The following SPATA13 variants were observed in gnomAD, a reference collection of about 807,000 sequenced individuals.
SPATA13 encodes the protein spermatogenesis associated 13.
In SPATA13, 50 loss-of-function variants were observed where a neutral mutation model predicts 104.0. The observed-to-expected ratio is 0.48, with a 90% CI of 0.38 to 0.61. SPATA13 has a LOEUF of 0.61. Ranked by LOEUF, SPATA13 falls within the 20% of genes least tolerant of loss-of-function variation. The pLI is 0.00. For synonymous variants in SPATA13, 606 were observed against 667.5 expected (o/e 0.91, Z 1.42); for missense variants, 1,524 against 1,690.6 (o/e 0.90, Z 1.73).
At chr13:24,183,331 C>T (rs922489979) in intron 1 of SPATA13, among the ~76,000 whole-genome samples, 1 of 152,198 alleles carries the variant, frequency 6.6e-6, no homozygotes, top group Non-Finnish European at 1.5e-5. Context: ...TGTAAAACCA[C>T]CATCAAACCC....
chr13:24,112,492 C>T (rs1416506500), intron 3 of SPATA13, among the ~76,000 whole-genome samples: 2 of 152,164 alleles, frequency 1.3e-5, no homozygotes, highest in East Asian at 3.8e-4. Context: ...AATTCTCATG[C>T]TCAGCCACGG....
At chr13:24,302,459 CAAAAAA>C (rs71070678) in intron 12 of SPATA13, 133 bp from the exon 13 acceptor site, 346 of 193,930 alleles carry the variant, frequency 1.8e-3, no homozygotes, top group Admixed American at 3.6e-3. Context: ...GACCCTGTCT[CAAAAAA>C]AAAAAAAAAA....
intron 1 of SPATA13, among the ~76,000 whole-genome samples, chr13:24,162,146 T>G (rs1457754197): frequency 2.0e-5 from 3 of 152,204 alleles, no homozygotes. Flanking sequence ...TTATCCCATA[T>G]CCTAATTCTC....
chr13:24,044,430 A>T (rs1405063221), intron 3 of SPATA13, among the ~76,000 whole-genome samples: 1 of 151,762 alleles, frequency 6.6e-6, no homozygotes, highest in Non-Finnish European at 1.5e-5. Flanking sequence ...ACGGGGTTTC[A>T]CCGTGTTGGC....
chr13:24,259,426 A>G (rs536222855), intron 4 of SPATA13, among the ~76,000 whole-genome samples: 133 of 152,356 alleles, frequency 8.7e-4, no homozygotes, highest in Non-Finnish European at 1.5e-3. Flanking sequence ...TGAATAAAGA[A>G]AAAACAAAAA....
rs906690073 is a variant in SPATA13 at position 24,306,299 on chromosome 13, C to A, written c.*3526C>A. ...TCTGCAAGCCAAATTGCTGATACTC[C>A]TTCATGCAGATCAACTTGGTGTCCC... is the stretch of plus-strand genomic sequence containing the variant. On this transcript the variant is annotated 3_prime_UTR_variant, in exon 13 of 13. Transcript: ENST00000382108. 7.9e-5 allele frequency: 12 copies of A among 152,206 alleles called. No homozygotes were observed. The highest frequency in any genetic ancestry group is 1.0e-4 in the Non-Finnish European group (7 of 68,040). The allele number at this position is 152,206 out of a possible 1,614,324, so 9.4% of individuals were successfully genotyped here. A position where few individuals can be genotyped will look rare whatever the true frequency, so the allele number is the denominator to read the frequency against.
At chr13:24,158,473 C>T (rs565508448), upstream of SPATA13, among the ~76,000 whole-genome samples, 4 of 152,262 alleles carry the variant, frequency 2.6e-5, no homozygotes, top group Non-Finnish European at 2.9e-5. Flanking sequence ...CAAGAATAAG[C>T]GTCGGCTGGT....
intron 1 of SPATA13, among the ~76,000 whole-genome samples, chr13:24,190,490 A>G (rs1199996079): frequency 6.7e-6 from 1 of 150,106 alleles, no homozygotes; most frequent in Non-Finnish European, 1.5e-5. Flanking sequence ...GATGCCATAA[A>G]GAACAGGAGG....
intron 3 of SPATA13, among the ~76,000 whole-genome samples, chr13:24,072,843 T>TTTTTTTA (rs1879214853): frequency 1.5e-5 from 2 of 135,092 alleles, no homozygotes; most frequent in Admixed American, 1.5e-4. Flanking sequence ...TTTTTTTTTT[T>TTTTTTTA]ACATCCCCTT....
chr13:24,242,900 G>A (rs1015543991), intron 2 of SPATA13, among the ~76,000 whole-genome samples: 6 of 152,134 alleles, frequency 3.9e-5, no homozygotes, highest in African/African-American at 1.4e-4. Flanking sequence ...CCTATGCAGG[G>A]TATTTTTGGT....
chr13:24,211,975 GCT>G (rs1325536530), intron 1 of SPATA13, among the ~76,000 whole-genome samples: 1 of 152,174 alleles, frequency 6.6e-6, no homozygotes, highest in Non-Finnish European at 1.5e-5. Flanking sequence ...CGTGGCTGGA[GCT>G]CTCTGATGGC....
At chr13:24,034,736 T>C (rs1365361918) in intron 3 of SPATA13, 1 of 152,256 alleles carries the variant, frequency 6.6e-6, no homozygotes, top group Non-Finnish European at 1.5e-5. Context: ...ACGTGGCTGC[T>C]TGTATGGCCT....
chr13:24,108,856 T>C (rs1404587805), intron 3 of SPATA13, among the ~76,000 whole-genome samples: 7 of 152,222 alleles, frequency 4.6e-5, no homozygotes, highest in Admixed American at 2.6e-4. Flanking sequence ...TTTACTCTCC[T>C]GGGTTTCACC....
chr13:24,270,838 GC>G lies in SPATA13; in HGVS notation c.2165-13295del, dbSNP rs767966551. The stretch of plus-strand genomic sequence containing the variant: ...ACACCCCAGTCCTGCTCTGAAGGTT[GC>G]CGTTTTCCAAACAGAAGGATGGTAG... On this transcript the variant is annotated intron_variant, in intron 4 of 12. Transcript: ENST00000382108. 1.8e-5 allele frequency: 29 copies of G among 1,612,830 alleles called. No individual in the cohort carries two copies. The East Asian group carries it at 6.5e-4, about 36-fold the overall frequency.
At chr13:24,073,009 G>A (rs138610014) in intron 3 of SPATA13, among the ~76,000 whole-genome samples, 297 of 152,012 alleles carry the variant, frequency 2.0e-3, no homozygotes, top group Admixed American at 4.0e-3. Context: ...CATTGATCCC[G>A]TAGATCTTGT....
intron 1 of SPATA13, among the ~76,000 whole-genome samples, chr13:24,184,000 C>G (rs1593390941): frequency 6.6e-6 from 1 of 152,144 alleles, no homozygotes; most frequent in South Asian, 2.1e-4. Context: ...AAAACTGAAA[C>G]ACACAGGAAG....
chr13:24,257,587 T>G (rs79278310), intron 4 of SPATA13, among the ~76,000 whole-genome samples: 2,287 of 152,056 alleles, frequency 0.015, 55 homozygotes, highest in Admixed American at 0.046. Context: ...AAGTAATTGC[T>G]CAATTTGATT....
chr13:24,042,404 G>A (rs1008959834), intron 3 of SPATA13, among the ~76,000 whole-genome samples: 4 of 151,858 alleles, frequency 2.6e-5, no homozygotes, highest in Non-Finnish European at 5.9e-5. Context: ...TCCATAGGCC[G>A]CTTTCTGAGA....
In SPATA13 at chr13:24,304,638, G is replaced by C. The variant is rs932373197; in HGVS notation, c.*1865G>C. 5 of 152,252 alleles carry C rather than the reference G, an allele frequency of 3.3e-5. No homozygotes were observed. Among genetic ancestry groups the C allele is most frequent in the African/African-American group, 9.7e-5 (4 of 41,450 alleles). 9.4% of individuals were successfully genotyped at this position (152,252 alleles called of 1,614,324 possible). A position where few individuals can be genotyped will look rare whatever the true frequency, so the allele number is the denominator to read the frequency against. ...CAAGAAAACATAACCTTGGTCCTCA[G>C]GTGAACCCTTGGAACATTCTGTGAC... is the stretch of plus-strand genomic sequence containing the variant. On this transcript the variant is annotated 3_prime_UTR_variant, in exon 13 of 13. Transcript: ENST00000382108.
Sources: allele counts gnomAD v4.1 joint callset (sites outside exome capture counted in the v4.1 genomes callset), GRCh38; gene constraint gnomAD v4.1.1; transcripts MANE v1.5; gene names NCBI Gene and HGNC (gene_info 2026-07-23, HGNC 2026-07-21).